FMO1: variants seen among roughly 807,000 people sequenced by gnomAD.
The protein encoded by FMO1 is flavin-containing monooxygenase 1.
A neutral mutation model predicts 45.4 loss-of-function variants in FMO1; 36 were observed. That is an observed-to-expected ratio of 0.79 (90% CI 0.61 to 1.05). FMO1 has a LOEUF of 1.05. FMO1 is among the 50% of genes least tolerant of loss of function. The pLI is 0.00. For missense variants in FMO1, 615 were observed against 640.3 expected (o/e 0.96, Z 0.43); for synonymous variants, 228 against 227.2 (o/e 1.00, Z -0.03).
rs569855728 is a variant in FMO1, at chr1:171,282,432, A to G, written c.1183+99A>G. 5 of 761,072 alleles carry G rather than the reference A, an allele frequency of 6.6e-6. No individual in the cohort carries two copies. In the East Asian group the frequency reaches 1.1e-4, roughly 16 times the overall value. 47.1% of individuals were successfully genotyped at this position (761,072 alleles called of 1,614,324 possible). On this transcript the variant is annotated intron_variant, in intron 7 of 8. Coordinates refer to ENST00000617670, the MANE Select transcript of FMO1 (RefSeq NM_001282693.2). ...ATTATTCCTCCTGCTTCTATTTAAAATAACAGAATCTTTAAAAGCAGGATG... is the reference window on the plus strand; with the variant it reads ...ATTATTCCTCCTGCTTCTATTTAAAGTAACAGAATCTTTAAAAGCAGGATG...
chr1:171,252,059 T>C (rs911027657), intron 1 of FMO1, among the ~76,000 whole-genome samples: 1 of 152,168 alleles, frequency 6.6e-6, no homozygotes, highest in Middle Eastern at 3.2e-3. Flanking sequence ...TCACTCTGTC[T>C]AAATGCAAAG....
At chr1:171,266,833 T>G (rs972187864) in intron 2 of FMO1, among the ~76,000 whole-genome samples, 3 of 152,294 alleles carry the variant, frequency 2.0e-5, no homozygotes, top group Middle Eastern at 3.4e-3. Flanking sequence ...ACAGAGGCAA[T>G]GTATATTAAA....
rs552699684 is a variant in FMO1, at chr1:171,251,037, T to C, written c.-7+2414T>C. 8.5e-5 allele frequency among the ~76,000 whole-genome samples: 13 copies of C among 152,338 alleles called. No individual in the cohort carries two copies. The South Asian group carries it at 2.7e-3, about 32-fold the overall frequency. ...GGTTGAAGGCAACCTGATCTTTACCTTTAGTTAAACAAATTAAAGTAGTAA... is the reference window on the plus strand; with the variant it reads ...GGTTGAAGGCAACCTGATCTTTACCCTTAGTTAAACAAATTAAAGTAGTAA... On this transcript the variant is annotated intron_variant, in intron 1 of 8. Coordinates refer to ENST00000617670, the MANE Select transcript of FMO1 (RefSeq NM_001282693.2).
At chr1:171,258,035 G>T (rs999113564) in intron 1 of FMO1, 47 bp from the exon 2 acceptor site, 8 of 1,610,152 alleles carry the variant, frequency 5.0e-6, no homozygotes, top group Non-Finnish European at 6.8e-6. Context: ...AGCCAAGGGT[G>T]GGGTGGAGCT....
At chr1:171,254,416 A>G (rs183260656) in intron 1 of FMO1, among the ~76,000 whole-genome samples, 1 of 152,328 alleles carries the variant, frequency 6.6e-6, no homozygotes, top group East Asian at 1.9e-4. Flanking sequence ...TGAAATGGAT[A>G]TAGATGATAA....
At chr1:171,257,869 G>C in intron 1 of FMO1, 1 of 527,428 alleles carries the variant, frequency 1.9e-6, no homozygotes, top group Non-Finnish European at 3.4e-6. Flanking sequence ...ATTTGGCACT[G>C]GTGCTGCATG....
At chr1:171,273,586 C>T (rs1436729668) in intron 3 of FMO1, among the ~76,000 whole-genome samples, 1 of 152,132 alleles carries the variant, frequency 6.6e-6, no homozygotes, top group Non-Finnish European at 1.5e-5. Flanking sequence ...TATCTCACTG[C>T]AGCCTCCACC....
chr1:171,273,087 T>C (rs566847995), intron 3 of FMO1, among the ~76,000 whole-genome samples: 1 of 152,320 alleles, frequency 6.6e-6, no homozygotes, highest in East Asian at 1.9e-4. Context: ...TCCCATGCTG[T>C]TCTAGTGATA....
chr1:171,283,265 TAAAAAAAAAAAAAAAAA>T lies in FMO1; in HGVS notation c.1256+65_1256+81del, dbSNP rs35331306. The T allele has an allele frequency of 3.2e-3, 236 of 74,734 alleles. 2 individuals carry two copies. In the South Asian group the frequency reaches 0.086, roughly 27 times the overall value. 4.6% of individuals were successfully genotyped at this position (74,734 alleles called of 1,614,324 possible). A position where few individuals can be genotyped will look rare whatever the true frequency, so the allele number is the denominator to read the frequency against. On this transcript the variant is annotated intron_variant, in intron 8 of 8. Transcript: ENST00000617670. ...CTTTTTAAATTATAACTGAAATTGG[TAAAAAAAAAAAAAAAAA>T]AAAAAAAAAAAAAAAGGAAATGAAA... is the stretch of plus-strand genomic sequence containing the variant.
chr1:171,252,629 A>G (rs1198220891), intron 1 of FMO1, among the ~76,000 whole-genome samples: 2 of 152,186 alleles, frequency 1.3e-5, no homozygotes, highest in Non-Finnish European at 2.9e-5. Flanking sequence ...TGTTTCTACA[A>G]GTACGCTTCT....
At chr1:171,257,784 T>G in intron 1 of FMO1, 1 of 384,694 alleles carries the variant, frequency 2.6e-6, no homozygotes, top group South Asian at 2.2e-5. Context: ...CAGTCTGAAG[T>G]GCAAGACTTT....
intron 3 of FMO1, among the ~76,000 whole-genome samples, chr1:171,273,729 G>A (rs1315579269): frequency 6.6e-6 from 1 of 152,048 alleles, no homozygotes; most frequent in Non-Finnish European, 1.5e-5. Flanking sequence ...GCCGCCCAGG[G>A]TGGTCTTGAA....
chr1:171,277,206 G>A (rs1303291421), intron 4 of FMO1, among the ~76,000 whole-genome samples: 1 of 152,104 alleles, frequency 6.6e-6, no homozygotes, highest in Non-Finnish European at 1.5e-5. Context: ...TTGCTTAGAT[G>A]GCACACACTC....
chr1:171,269,195 G>A (rs775391045), intron 3 of FMO1, among the ~76,000 whole-genome samples: 1 of 152,174 alleles, frequency 6.6e-6, no homozygotes, highest in Non-Finnish European at 1.5e-5. Context: ...AGAGTGGGGA[G>A]CTGGTGAAAA....
intron 2 of FMO1, 119 bp from the exon 3 acceptor site, chr1:171,267,424 G>A (rs1660660588): frequency 1.6e-6 from 1 of 629,656 alleles, no homozygotes; most frequent in Non-Finnish European, 2.6e-6. Flanking sequence ...TGATTCTCAT[G>A]TATTTCTATA....
intron 3 of FMO1, chr1:171,271,403 A>G: frequency 9.2e-7 from 1 of 1,086,680 alleles, no homozygotes; most frequent in Non-Finnish European, 1.4e-6. Flanking sequence ...CCTTTGCCAT[A>G]TCTTCAAATT....
chr1:171,262,909 A>G (rs1484977226), intron 2 of FMO1, among the ~76,000 whole-genome samples: 2 of 152,222 alleles, frequency 1.3e-5, no homozygotes, highest in African/African-American at 4.8e-5. Context: ...AGAAGGGGCA[A>G]CAAAGTAAAA....
At chr1:171,275,620 A>C (rs2076320) in intron 4 of FMO1, 112 bp downstream of exon 4, 104,237 of 713,908 alleles carry the variant, frequency 0.15, 8,109 homozygotes, top group Admixed American at 0.26. Flanking sequence ...TAAAGTTGGG[A>C]GGTAGGAGGA....
At chr1:171,257,985 C>A in intron 1 of FMO1, 97 bp from the exon 2 acceptor site, 2 of 1,390,040 alleles carry the variant, frequency 1.4e-6, no homozygotes, top group Non-Finnish European at 2.0e-6. Context: ...CTGAGCAAAT[C>A]GCCTAATCTT....
Sources: allele counts gnomAD v4.1 joint callset (sites outside exome capture counted in the v4.1 genomes callset), GRCh38; gene constraint gnomAD v4.1.1; transcripts MANE v1.5; gene names NCBI Gene and HGNC (gene_info 2026-07-23, HGNC 2026-07-21).